Variants in CADM2 observed in about 807,000 individuals in gnomAD.
CADM2 encodes the protein cell adhesion molecule 2.
A neutral mutation model predicts 49.8 loss-of-function variants in CADM2; 12 were observed. The observed-to-expected ratio is 0.24, with a 90% CI of 0.15 to 0.39. CADM2 has a LOEUF of 0.39. Ranked by LOEUF, CADM2 falls within the 10% of genes least tolerant of loss-of-function variation. The pLI, the probability that CADM2 is intolerant of heterozygous loss-of-function variation, is 1.00. For missense variants in CADM2, 378 were observed against 492.3 expected, an observed-to-expected ratio of 0.77 and a Z score of 2.20; for synonymous variants, 214 against 175.4, an observed-to-expected ratio of 1.22 and a Z score of -1.74.
At chr3:85,833,609 T>C (rs1474997116) in intron 3 of CADM2, among the ~76,000 whole-genome samples, 4 of 151,638 alleles carry the variant, frequency 2.6e-5, no homozygotes, top group Non-Finnish European at 4.4e-5. Flanking sequence ...AAGTTTTCAG[T>C]CTGTCCCAGC....
At chr3:85,509,569 C>T (rs1376811197) in intron 1 of CADM2, among the ~76,000 whole-genome samples, 1 of 152,042 alleles carries the variant, frequency 6.6e-6, no homozygotes, top group Non-Finnish European at 1.5e-5. Context: ...TATTATACCT[C>T]ATGTCTGTAA....
At chr3:85,657,591 T>C (rs968892448) in intron 1 of CADM2, among the ~76,000 whole-genome samples, 2 of 151,152 alleles carry the variant, frequency 1.3e-5, no homozygotes, top group African/African-American at 4.9e-5. Flanking sequence ...TAGATGGATA[T>C]TTTCATTATT....
At chr3:85,479,776 T>C (rs2039133553) in intron 1 of CADM2, among the ~76,000 whole-genome samples, 1 of 151,964 alleles carries the variant, frequency 6.6e-6, no homozygotes, top group Non-Finnish European at 1.5e-5. Flanking sequence ...CACTTAAGAA[T>C]ACTTTAATGG....
At chr3:86,051,392 A>T (rs1333063943) in intron 8 of CADM2, among the ~76,000 whole-genome samples, 1 of 152,144 alleles carries the variant, frequency 6.6e-6, no homozygotes, top group Non-Finnish European at 1.5e-5. Flanking sequence ...CAGCAAGTCT[A>T]TAGGAAGTTC....
intron 6 of CADM2, among the ~76,000 whole-genome samples, chr3:85,932,385 A>G (rs1027170427): frequency 2.6e-5 from 4 of 152,218 alleles, no homozygotes; most frequent in Non-Finnish European, 5.9e-5. Context: ...TTGCACATAA[A>G]TAAGCTTGTG....
intron 2 of CADM2, among the ~76,000 whole-genome samples, chr3:85,733,110 C>G (rs2068001488): frequency 6.6e-6 from 1 of 152,174 alleles, no homozygotes; most frequent in South Asian, 2.1e-4. Flanking sequence ...ATTTCTCATT[C>G]TTTTAAAACT....
At chr3:85,142,659 C>G (rs2039612788) in intron 1 of CADM2, among the ~76,000 whole-genome samples, 1 of 152,108 alleles carries the variant, frequency 6.6e-6, no homozygotes. Flanking sequence ...GGATAAATTG[C>G]AACAAATTTA....
At chr3:85,231,650 G>C (rs925218824) in intron 1 of CADM2, among the ~76,000 whole-genome samples, 1 of 148,818 alleles carries the variant, frequency 6.7e-6, no homozygotes, top group Non-Finnish European at 1.5e-5. Context: ...TACTTTTTGA[G>C]TCTGGGGCTC....
intron 1 of CADM2, among the ~76,000 whole-genome samples, chr3:85,006,462 AT>A (rs2033732881): frequency 6.6e-6 from 1 of 152,204 alleles, no homozygotes; most frequent in African/African-American, 2.4e-5. Flanking sequence ...TTTTCTTTGA[AT>A]CACAATTAAA....
intron 3 of CADM2, among the ~76,000 whole-genome samples, chr3:85,843,294 G>A (rs1339474959): frequency 6.6e-6 from 1 of 152,132 alleles, no homozygotes; most frequent in East Asian, 1.9e-4. Flanking sequence ...GGAATCAATA[G>A]CAGAAACATC....
chr3:85,855,941 C>A (rs963603934), intron 3 of CADM2, among the ~76,000 whole-genome samples: 2 of 152,048 alleles, frequency 1.3e-5, no homozygotes, highest in African/African-American at 4.8e-5. Flanking sequence ...ATATTTTAAT[C>A]TTAACTAATT....
At chr3:85,790,259 G>A (rs891921242) in intron 2 of CADM2, among the ~76,000 whole-genome samples, 8 of 152,162 alleles carry the variant, frequency 5.3e-5, no homozygotes, top group African/African-American at 1.9e-4. Flanking sequence ...CTCCACAGCT[G>A]GCTTTGATCC....
intron 1 of CADM2, among the ~76,000 whole-genome samples, chr3:85,422,787 A>G (rs1410625706): frequency 6.6e-6 from 1 of 151,798 alleles, no homozygotes; most frequent in African/African-American, 2.4e-5. Flanking sequence ...TATGGGAGAG[A>G]GAACACACAG....
intron 1 of CADM2, among the ~76,000 whole-genome samples, chr3:85,256,243 G>A (rs2042883013): frequency 6.6e-6 from 1 of 151,908 alleles, no homozygotes; most frequent in Non-Finnish European, 1.5e-5. Flanking sequence ...TTTCTCATCA[G>A]GATCACTCTC....
At chr3:85,477,467 CA>C (rs2039025740) in intron 1 of CADM2, among the ~76,000 whole-genome samples, 1 of 151,736 alleles carries the variant, frequency 6.6e-6, no homozygotes, top group Admixed American at 6.6e-5. Flanking sequence ...AGAATATATA[CA>C]GGACTTTTCA....
intron 8 of CADM2, among the ~76,000 whole-genome samples, chr3:86,044,966 A>G (rs1736465621): frequency 6.6e-6 from 1 of 151,746 alleles, no homozygotes; most frequent in Non-Finnish European, 1.5e-5. Context: ...AGGACAAAAA[A>G]CCAAACACTG....
intron 6 of CADM2, among the ~76,000 whole-genome samples, chr3:85,933,269 A>G (rs1720814143): frequency 6.6e-6 from 1 of 152,014 alleles, no homozygotes; most frequent in South Asian, 2.1e-4. Flanking sequence ...ACTAATAAAT[A>G]AATATTCCAT....
At chr3:85,668,349 C>T (rs1251569566) in intron 1 of CADM2, among the ~76,000 whole-genome samples, 1 of 144,122 alleles carries the variant, frequency 6.9e-6, no homozygotes, top group African/African-American at 2.6e-5. Flanking sequence ...CAAAAAAACA[C>T]CTCAAATAAA....
intron 3 of CADM2, among the ~76,000 whole-genome samples, chr3:85,819,261 A>C (rs1040433050): frequency 6.6e-6 from 1 of 152,110 alleles, no homozygotes; most frequent in Admixed American, 6.5e-5. Flanking sequence ...AGCGGATTGG[A>C]TGGTGCCCAC....
Sources: allele counts gnomAD v4.1 joint callset (sites outside exome capture counted in the v4.1 genomes callset), GRCh38; gene constraint gnomAD v4.1.1; transcripts MANE v1.5; gene names NCBI Gene and HGNC (gene_info 2026-07-23, HGNC 2026-07-21).